Variants in C6orf62 observed in about 807,000 individuals in gnomAD.
The protein encoded by C6orf62 is chromosome 6 open reading frame 62, also known as uncharacterized protein C6orf62.
C6orf62 carries 16 observed loss-of-function variants against 26.8 expected under a neutral mutation model. The ratio of observed to expected loss-of-function variants is 0.60; its 90% CI spans 0.40 to 0.91. C6orf62 has a LOEUF of 0.91. C6orf62 is among the 40% of genes least tolerant of loss of function. C6orf62 has a pLI of 0.00. For missense variants in C6orf62, 192 were observed against 271.4 expected (o/e 0.71, Z 2.06); for synonymous variants, 112 against 91.5 (o/e 1.22, Z -1.28).
intron 3 of C6orf62, chr6:24,709,930 G>A (rs763675685): frequency 2.0e-6 from 2 of 985,244 alleles, no homozygotes; most frequent in Non-Finnish European, 1.2e-6. Context: ...AAAACAGTAG[G>A]AAATAATAAC....
upstream of C6orf62, chr6:24,719,516 C>T (rs1779309316): frequency 5.2e-6 from 6 of 1,149,914 alleles, no homozygotes; most frequent in Non-Finnish European, 6.4e-6. Flanking sequence ...ACATTTTCAC[C>T]CTCAGGCGGC....
rs760728809 is a variant in C6orf62 at position 24,708,834 on chromosome 6, G to C, written c.507C>G (p.Ile169Met). The change falls in exon 4 of 5, where the codon ATC becomes ATG. Residue 169 changes from isoleucine (I) to methionine (M), a missense_variant. Transcript: ENST00000378119. ...HVLSRKDKTG[I>M]VVNNPNQSVF... is the part of the protein sequence containing the mutation. Reference sequence around the variant, plus strand: ...CTGACTGGTTAGGATTGTTGACAACGATTCCAGTCTTGTCCTTGCGGCTCA... The same window carrying C: ...CTGACTGGTTAGGATTGTTGACAACCATTCCAGTCTTGTCCTTGCGGCTCA... 4 of 1,614,134 alleles carry C rather than the reference G, an allele frequency of 2.5e-6. No homozygotes were observed. The highest frequency in any genetic ancestry group is 2.2e-5 in the South Asian group (2 of 91,076).
At chr6:24,719,876 A>C, upstream of C6orf62, 1 of 1,488,750 alleles carries the variant, frequency 6.7e-7, no homozygotes, top group Non-Finnish European at 9.0e-7. Context: ...CACGGGAGAC[A>C]CAGGATCACT....
chr6:24,720,138 G>C (rs1187958716), upstream of C6orf62: 1 of 1,387,938 alleles, frequency 7.2e-7, no homozygotes, highest in Non-Finnish European at 9.3e-7. Flanking sequence ...AGGGGCAGGG[G>C]GTGGAATTGA....
intron 3 of C6orf62, among the ~76,000 whole-genome samples, chr6:24,710,938 G>A (rs1779108977): frequency 6.6e-6 from 1 of 152,034 alleles, no homozygotes; most frequent in African/African-American, 2.4e-5. Flanking sequence ...GCTGCAGTGA[G>A]CCATGACTAT....
At chr6:24,714,236 AAAGAATTTCTC>A (rs1284921530) in intron 3 of C6orf62, 71 bp downstream of exon 3, 1 of 1,110,366 alleles carries the variant, frequency 9.0e-7, no homozygotes, top group Non-Finnish European at 1.2e-6. Flanking sequence ...CCATTTTCCC[AAAGAATTTCTC>A]AAGTTAGACC....
intron 1 of C6orf62, among the ~76,000 whole-genome samples, chr6:24,718,150 G>A (rs985233945): frequency 2.6e-5 from 4 of 152,160 alleles, no homozygotes; most frequent in Non-Finnish European, 1.5e-5. Context: ...ATAAACTTTA[G>A]CATATAAACA....
chr6:24,709,744 C>T, intron 3 of C6orf62: 2 of 985,444 alleles, frequency 2.0e-6, no homozygotes, highest in Non-Finnish European at 1.2e-6. Context: ...TCAACTCCAT[C>T]CTCCCACAAA....
chr6:24,707,362 GTT>G (rs559217569), intron 4 of C6orf62, among the ~76,000 whole-genome samples: 6 of 141,314 alleles, frequency 4.2e-5, no homozygotes, highest in African/African-American at 7.7e-5. Context: ...TGTTGGCGGT[GTT>G]TTTTTTTTTT....
upstream of C6orf62, chr6:24,719,369 A>C: frequency 9.9e-7 from 1 of 1,005,112 alleles, no homozygotes; most frequent in Non-Finnish European, 1.2e-6. Context: ...AGAAAAGTGC[A>C]AAATCGGTAG....
upstream of C6orf62, chr6:24,719,960 G>A: frequency 7.8e-6 from 12 of 1,548,156 alleles, no homozygotes; most frequent in Non-Finnish European, 1.0e-5. Context: ...AAATGGGAAG[G>A]TTCAGTGGGG....
chr6:24,714,522 T>G (rs567734369), intron 2 of C6orf62, 82 bp from the exon 3 acceptor site: 2 of 1,009,430 alleles, frequency 2.0e-6, no homozygotes, highest in South Asian at 3.5e-5. Context: ...AGGGTTCCCC[T>G]ATAAAAACAT....
At chr6:24,716,525 G>A (rs1204366225) in intron 1 of C6orf62, among the ~76,000 whole-genome samples, 1 of 152,014 alleles carries the variant, frequency 6.6e-6, no homozygotes, top group Non-Finnish European at 1.5e-5. Context: ...TGTACAAACT[G>A]TCATTAGAAT....
At chr6:24,720,218 C>T (rs1779327798), upstream of C6orf62, 3 of 1,344,682 alleles carry the variant, frequency 2.2e-6, no homozygotes, top group Non-Finnish European at 2.8e-6. Flanking sequence ...ACTCACGGAC[C>T]GACTCTAGGG....
rs79995001 is a variant in C6orf62, at chr6:24,709,042, T to C, written c.430-131A>G. 1,864 of 1,464,112 alleles carry C rather than the reference T, an allele frequency of 1.3e-3. 20 individuals carry two copies. The African/African-American group carries it at 0.024, about 19-fold the overall frequency. The allele number at this position is 1,464,112 out of a possible 1,614,324, so 90.7% of individuals were successfully genotyped here. ...ATCTTTTCCTCTTTAAAAAAACAAATTTTGGCAAACCCACAGCCAATAATA... is the reference window on the plus strand; with the variant it reads ...ATCTTTTCCTCTTTAAAAAAACAAACTTTGGCAAACCCACAGCCAATAATA... On this transcript the variant is annotated intron_variant, in intron 3 of 4. Transcript: ENST00000378119.
upstream of C6orf62, chr6:24,720,311 G>T (rs1404566280): frequency 4.6e-6 from 6 of 1,309,470 alleles, no homozygotes; most frequent in Non-Finnish European, 5.8e-6. Flanking sequence ...GGCGCTGCTG[G>T]TAGCACGGGC....
chr6:24,708,968 G>A (rs924250781), intron 3 of C6orf62, 57 bp from the exon 4 acceptor site: 119 of 1,607,368 alleles, frequency 7.4e-5, no homozygotes, highest in Non-Finnish European at 9.8e-5. Context: ...CTACCTATCT[G>A]CATCTATATG....
intron 4 of C6orf62, among the ~76,000 whole-genome samples, chr6:24,707,551 G>C (rs187593771): frequency 6.6e-6 from 1 of 151,946 alleles, no homozygotes; most frequent in Admixed American, 6.6e-5. Context: ...TAGAGATGTC[G>C]TCTCACTCTG....
intron 4 of C6orf62, chr6:24,706,820 T>C (rs1308043395): frequency 6.5e-6 from 1 of 153,488 alleles, no homozygotes; most frequent in African/African-American, 2.4e-5. Context: ...CTGAGGTGGA[T>C]AACCTGCGCC....
Sources: gnomAD v4.1 joint callset for allele counts (sites outside exome capture counted in the v4.1 genomes callset) on GRCh38, gnomAD v4.1.1 for gene constraint, MANE v1.5 for transcripts, NCBI Gene and HGNC (gene_info 2026-07-23, HGNC 2026-07-21) for gene names.